Variants in TMEM266 observed in about 807,000 individuals in gnomAD.
The protein encoded by TMEM266 is transmembrane protein 266.
A neutral mutation model predicts 50.5 loss-of-function variants in TMEM266; 33 were observed. The observed-to-expected ratio is 0.65, with a 90% CI of 0.50 to 0.87. The LOEUF (loss-of-function observed/expected upper bound fraction) is 0.87. TMEM266 is among the 40% of genes least tolerant of loss of function. TMEM266 has a pLI of 0.00. For missense variants in TMEM266, 655 were observed against 695.1 expected (o/e 0.94, Z 0.65); for synonymous variants, 310 against 292.3 (o/e 1.06, Z -0.62).
At chr15:76,155,625 C>T (rs540512114) in intron 3 of TMEM266, among the ~76,000 whole-genome samples, 1 of 152,284 alleles carries the variant, frequency 6.6e-6, no homozygotes, top group African/African-American at 2.4e-5. Context: ...CATGATGATG[C>T]ATAAGAGCAT....
chr15:76,204,497 C>T lies in TMEM266; in HGVS notation c.*182C>T. The T allele has an allele frequency of 1.8e-6, 1 of 553,080 alleles. No individual in the cohort carries two copies. Among genetic ancestry groups the T allele is most frequent in the African/African-American group, 1.9e-5 (1 of 53,162 alleles). 34.3% of individuals were successfully genotyped at this position (553,080 alleles called of 1,614,324 possible). A position where few individuals can be genotyped will look rare whatever the true frequency, so the allele number is the denominator to read the frequency against. ...GCCACAAGCTTCAGACCTCAAAGCCCAGAGCTGGCGCCTCTTCTCGCCCTG... is the reference window on the plus strand; with the variant it reads ...GCCACAAGCTTCAGACCTCAAAGCCTAGAGCTGGCGCCTCTTCTCGCCCTG... On this transcript the variant is annotated 3_prime_UTR_variant, in exon 11 of 11. Coordinates refer to ENST00000388942, the MANE Select transcript of TMEM266 (RefSeq NM_152335.3).
chr15:76,126,675 G>C (rs2037428842), intron 1 of TMEM266, among the ~76,000 whole-genome samples: 1 of 151,746 alleles, frequency 6.6e-6, no homozygotes, highest in Admixed American at 6.6e-5. Flanking sequence ...GGGATTACAG[G>C]CGCCCACCAT....
chr15:76,066,869 G>C (rs2036432025), intron 1 of TMEM266, among the ~76,000 whole-genome samples: 2 of 152,056 alleles, frequency 1.3e-5, no homozygotes, highest in Admixed American at 1.3e-4. Context: ...CAACACTGTT[G>C]ACACATGGGG....
intron 2 of TMEM266, 81 bp downstream of exon 2, chr15:76,134,382 G>T (rs1596126151): frequency 6.8e-7 from 1 of 1,472,872 alleles, no homozygotes; most frequent in African/African-American, 1.4e-5. Context: ...TCTAATTTAG[G>T]CAGCCACTAT....
intron 1 of TMEM266, among the ~76,000 whole-genome samples, chr15:76,104,853 T>G (rs1341257602): frequency 1.3e-5 from 2 of 152,162 alleles, no homozygotes; most frequent in Non-Finnish European, 2.9e-5. Flanking sequence ...GATTGAAGTT[T>G]GTGTTCCTGT....
intron 3 of TMEM266, among the ~76,000 whole-genome samples, chr15:76,146,232 A>G (rs1484696400): frequency 6.6e-6 from 1 of 152,228 alleles, no homozygotes; most frequent in Non-Finnish European, 1.5e-5. Flanking sequence ...CCCCCACTTT[A>G]TAAATGACAC....
chr15:76,175,501 TCCCTAGTCCAAGCCCTG>T, intron 7 of TMEM266, 41 bp from the exon 8 acceptor site: 5 of 1,389,634 alleles, frequency 3.6e-6, no homozygotes, highest in Non-Finnish European at 5.1e-6. Flanking sequence ...GGCCCGCCCT[TCCCTAGTCCAAGCCCTG>T]CCACTGCTGA....
At position 76,191,712 on chromosome 15, in the gene TMEM266, G is replaced by C. The variant is rs558943038; in HGVS notation, c.769-256G>C. ...GAAACACGTTGTGTTTCCTCTCCCG[G>C]GCATCCGTGAGATGGGGGCCAGACT... On this transcript the variant is annotated intron_variant, in intron 8 of 10. Transcript: ENST00000388942. The C allele has an allele frequency of 4.5e-5, 20 of 441,112 alleles. 1 individual carries two copies. In the South Asian group the frequency reaches 8.3e-4, roughly 18 times the overall value. 27.3% of individuals were successfully genotyped at this position (441,112 alleles called of 1,614,324 possible).
chr15:76,130,323 A>G (rs1161065296), intron 1 of TMEM266, among the ~76,000 whole-genome samples: 1 of 133,594 alleles, frequency 7.5e-6, no homozygotes, highest in East Asian at 2.6e-4. Flanking sequence ...GGCTCACTTG[A>G]GGTTGGGAGT....
At chr15:76,179,790 G>A (rs553428766) in intron 8 of TMEM266, among the ~76,000 whole-genome samples, 1 of 152,202 alleles carries the variant, frequency 6.6e-6, no homozygotes, top group African/African-American at 2.4e-5. Context: ...TAGGGTCCCA[G>A]TTTAAATACA....
intron 9 of TMEM266, among the ~76,000 whole-genome samples, chr15:76,194,124 C>T (rs900452644): frequency 1.3e-5 from 2 of 152,194 alleles, no homozygotes; most frequent in African/African-American, 4.8e-5. Context: ...CTCACGTGCT[C>T]CCCACACAGC....
chr15:76,086,931 G>GT (rs72534048), intron 1 of TMEM266, among the ~76,000 whole-genome samples: 1 of 98,942 alleles, frequency 1.0e-5, no homozygotes, highest in Non-Finnish European at 2.2e-5. Flanking sequence ...AGCAGGTCGG[G>GT]GGGGGGGCGG....
intron 3 of TMEM266, among the ~76,000 whole-genome samples, chr15:76,154,907 C>T (rs1047986689): frequency 1.1e-4 from 16 of 152,240 alleles, no homozygotes; most frequent in African/African-American, 3.9e-4. Flanking sequence ...CTCCTTGAAG[C>T]ATTCACATTA....
At chr15:76,193,020 G>A (rs528620409) in intron 9 of TMEM266, among the ~76,000 whole-genome samples, 1 of 152,338 alleles carries the variant, frequency 6.6e-6, no homozygotes, top group South Asian at 2.1e-4. Flanking sequence ...ACGCAGCCGG[G>A]CAGGCTGAGC....
intron 1 of TMEM266, among the ~76,000 whole-genome samples, chr15:76,130,076 T>C (rs2037482676): frequency 6.7e-6 from 1 of 149,808 alleles, no homozygotes; most frequent in South Asian, 2.1e-4. Context: ...ATACAAAAGG[T>C]AGCCGGGTGT....
chr15:76,175,880 A>C, intron 8 of TMEM266: 1 of 494,128 alleles, frequency 2.0e-6, no homozygotes. Context: ...CATGGACTCA[A>C]CCCTGACTCC....
In TMEM266 at chr15:76,136,104, C is replaced by T. The variant is rs557671143; in HGVS notation, c.39-1603C>T. 1.2e-4 allele frequency among the ~76,000 whole-genome samples: 19 copies of T among 152,246 alleles called. No homozygotes were observed. In the South Asian group the frequency reaches 2.7e-3, roughly 22 times the overall value. On this transcript the variant is annotated intron_variant, in intron 2 of 10. Coordinates refer to ENST00000388942, the MANE Select transcript of TMEM266 (RefSeq NM_152335.3). ...GATTACAGGCATGCGCCACCACATC[C>T]GGCTAATTTTGTGTATTTTTAGTAG...
chr15:76,132,264 A>G (rs1596124582), intron 1 of TMEM266, among the ~76,000 whole-genome samples: 1 of 151,528 alleles, frequency 6.6e-6, no homozygotes, highest in African/African-American at 2.4e-5. Context: ...GTCTGCCCCC[A>G]TGCCTGGCTA....
At chr15:76,201,375 C>T (rs1490455177) in intron 9 of TMEM266, among the ~76,000 whole-genome samples, 1 of 152,132 alleles carries the variant, frequency 6.6e-6, no homozygotes, top group African/African-American at 2.4e-5. Flanking sequence ...CTGCTCCTCT[C>T]AGGAGGTGAA....
Sources: gnomAD v4.1 joint callset for allele counts (sites outside exome capture counted in the v4.1 genomes callset) on GRCh38, gnomAD v4.1.1 for gene constraint, MANE v1.5 for transcripts, NCBI Gene and HGNC (gene_info 2026-07-23, HGNC 2026-07-21) for gene names.